DENND4C: variants seen among roughly 807,000 people sequenced by gnomAD.
DENND4C encodes the protein DENN domain containing 4C, also known as DENN domain-containing protein 4C.
A neutral mutation model predicts 203.0 loss-of-function variants in DENND4C; 108 were observed. The observed-to-expected ratio is 0.53, with a 90% CI of 0.46 to 0.62. The LOEUF (loss-of-function observed/expected upper bound fraction) is 0.62. Ranked by LOEUF, DENND4C falls within the 20% of genes least tolerant of loss-of-function variation. DENND4C has a pLI of 0.00. For synonymous variants in DENND4C, 871 were observed against 792.4 expected (o/e 1.10, Z -1.67); for missense variants, 2,481 against 2,301.2 (o/e 1.08, Z -1.60).
chr9:19,370,129 T>G (rs2132346447), intron 31 of DENND4C, 142 bp downstream of exon 31: 1 of 1,001,604 alleles, frequency 1.0e-6, no homozygotes, highest in Middle Eastern at 2.7e-4. Context: ...GCTACACAGA[T>G]ATATACATTC....
intron 1 of DENND4C, among the ~76,000 whole-genome samples, chr9:19,239,577 C>T (rs1023049453): frequency 6.6e-6 from 1 of 152,060 alleles, no homozygotes; most frequent in African/African-American, 2.4e-5. Context: ...ACCTCCACCT[C>T]CCAGATTCAA....
intron 1 of DENND4C, among the ~76,000 whole-genome samples, chr9:19,231,998 A>C (rs1820691500): frequency 6.6e-6 from 1 of 152,218 alleles, no homozygotes. Flanking sequence ...TCAGAAATGC[A>C]GAGCGTTGTA....
intron 2 of DENND4C, among the ~76,000 whole-genome samples, chr9:19,285,629 T>C (rs955141040): frequency 6.6e-6 from 1 of 151,838 alleles, no homozygotes; most frequent in African/African-American, 2.4e-5. Flanking sequence ...TTTGGTGTCA[T>C]ATCTAAGAAG....
intron 17 of DENND4C, 84 bp downstream of exon 17, chr9:19,332,268 G>A: frequency 3.6e-6 from 4 of 1,118,280 alleles, no homozygotes; most frequent in Non-Finnish European, 5.3e-6. Context: ...TTGCTTTAAA[G>A]TGTGCTCAAG....
chr9:19,247,845 C>T (rs1172812469), intron 1 of DENND4C, among the ~76,000 whole-genome samples: 1 of 152,182 alleles, frequency 6.6e-6, no homozygotes, highest in Non-Finnish European at 1.5e-5. Context: ...CCACTTAAGC[C>T]ACAAGCTGGA....
chr9:19,322,322 T>A, intron 12 of DENND4C, among the ~76,000 whole-genome samples: 1 of 152,140 alleles, frequency 6.6e-6, no homozygotes, highest in South Asian at 2.1e-4. Context: ...CAGAGCTGGG[T>A]TATGCTAGGT....
intron 1 of DENND4C, among the ~76,000 whole-genome samples, chr9:19,265,178 C>G (rs1830232626): frequency 6.6e-6 from 1 of 151,938 alleles, no homozygotes; most frequent in African/African-American, 2.4e-5. Context: ...CCAGGCCTGG[C>G]TAAGTTACTG....
chr9:19,281,352 C>G (rs1354081074), intron 2 of DENND4C, among the ~76,000 whole-genome samples: 1 of 152,014 alleles, frequency 6.6e-6, no homozygotes, highest in Non-Finnish European at 1.5e-5. Flanking sequence ...TTGTTAATGT[C>G]TGGTGACTTA....
intron 16 of DENND4C, among the ~76,000 whole-genome samples, chr9:19,330,670 A>G (rs560848508): frequency 6.6e-6 from 1 of 151,898 alleles, no homozygotes; most frequent in Non-Finnish European, 1.5e-5. Context: ...ATAGACTAGC[A>G]AGGAATCTTC....
At chr9:19,270,928 A>G (rs1831517623) in intron 1 of DENND4C, among the ~76,000 whole-genome samples, 1 of 152,230 alleles carries the variant, frequency 6.6e-6, no homozygotes, top group Admixed American at 6.5e-5. Flanking sequence ...GTATTTCTAT[A>G]TAGTAGCAAT....
intron 1 of DENND4C, among the ~76,000 whole-genome samples, chr9:19,232,870 G>T (rs753166397): frequency 6.6e-6 from 1 of 151,976 alleles, no homozygotes; most frequent in African/African-American, 2.4e-5. Context: ...ACTCAATAAG[G>T]CACCTTTCTT....
At chr9:19,315,523 G>T (rs1425811565) in intron 10 of DENND4C, among the ~76,000 whole-genome samples, 1 of 149,732 alleles carries the variant, frequency 6.7e-6, no homozygotes, top group Admixed American at 6.7e-5. Context: ...GTATATACAT[G>T]TATATATGTA....
chr9:19,362,299 T>C (rs1484661491), intron 30 of DENND4C, among the ~76,000 whole-genome samples: 1 of 151,546 alleles, frequency 6.6e-6, no homozygotes, highest in African/African-American at 2.4e-5. Context: ...AAACAAAGAG[T>C]TAAAGACATA....
intron 2 of DENND4C, among the ~76,000 whole-genome samples, chr9:19,285,119 C>G (rs941753510): frequency 6.6e-6 from 1 of 152,012 alleles, no homozygotes; most frequent in African/African-American, 2.4e-5. Flanking sequence ...TTATCTAAGT[C>G]CTGCTTATTA....
chr9:19,284,247 T>G (rs529639943), intron 2 of DENND4C, among the ~76,000 whole-genome samples: 1 of 152,356 alleles, frequency 6.6e-6, no homozygotes, highest in East Asian at 1.9e-4. Flanking sequence ...CTTTTTCACC[T>G]AAGAGTATAT....
At chr9:19,318,737 A>T (rs1842251476) in intron 12 of DENND4C, among the ~76,000 whole-genome samples, 1 of 152,144 alleles carries the variant, frequency 6.6e-6, no homozygotes, top group Admixed American at 6.6e-5. Flanking sequence ...TTTATGTCCA[A>T]ATATCCTCTT....
intron 3 of DENND4C, among the ~76,000 whole-genome samples, chr9:19,287,405 T>C (rs925193893): frequency 6.6e-6 from 1 of 152,166 alleles, no homozygotes; most frequent in African/African-American, 2.4e-5. Flanking sequence ...TGAGACAGGG[T>C]CTTGCTTTGT....
chr9:19,319,453 T>C (rs1262435334), intron 12 of DENND4C, among the ~76,000 whole-genome samples: 1 of 146,260 alleles, frequency 6.8e-6, no homozygotes, highest in African/African-American at 2.5e-5. Context: ...TATATACATA[T>C]ATATATATAA....
intron 2 of DENND4C, among the ~76,000 whole-genome samples, chr9:19,286,200 A>G (rs1223810298): frequency 6.6e-6 from 1 of 152,130 alleles, no homozygotes; most frequent in East Asian, 1.9e-4. Context: ...TTCAGTTTTC[A>G]TTAATCAAAT....
Sources: allele counts gnomAD v4.1 joint callset (sites outside exome capture counted in the v4.1 genomes callset), GRCh38; gene constraint gnomAD v4.1.1; transcripts MANE v1.5; gene names NCBI Gene and HGNC (gene_info 2026-07-23, HGNC 2026-07-21).